Variants in KIAA0586 observed in about 807,000 individuals in gnomAD.
KIAA0586 encodes KIAA0586, also known as protein TALPID3.
In KIAA0586, 144 loss-of-function variants were observed where a neutral mutation model predicts 169.8. The ratio of observed to expected loss-of-function variants is 0.85; its 90% CI spans 0.74 to 0.97. KIAA0586 has a LOEUF of 0.97. KIAA0586 is among the 50% of genes least tolerant of loss of function. The pLI is 0.00. For missense variants in KIAA0586, 1,854 were observed against 1,823.0 expected, an observed-to-expected ratio of 1.02 and a Z score of -0.31; for synonymous variants, 625 against 612.4, an observed-to-expected ratio of 1.02 and a Z score of -0.30.
chr14:58,465,928 T>C lies in KIAA0586; in HGVS notation c.2153T>C (p.Leu718Ser), dbSNP rs760933996. 2 of 1,612,984 alleles carry C rather than the reference T, an allele frequency of 1.2e-6. No homozygotes were observed. The highest frequency in any genetic ancestry group is 2.2e-5 in the East Asian group (1 of 44,872). The change falls in exon 15 of 31, where the codon TTA becomes TCA. Residue 718 changes from leucine to serine, a missense_variant. Leu to Ser is a moderately radical substitution (Grantham distance 145). Transcript: ENST00000652326. ...DSKMKHSVPVLPHGDQQYLFS... is the reference protein window; with the variant it reads ...DSKMKHSVPVSPHGDQQYLFS... The stretch of plus-strand genomic sequence containing the variant: ...AAAATGAAACATTCTGTTCCTGTGT[T>C]ACCTCATGGCGATCAGCAATATTTG...
chr14:58,457,026 A>G (rs2039922197), intron 10 of KIAA0586, among the ~76,000 whole-genome samples: 1 of 152,136 alleles, frequency 6.6e-6, no homozygotes. Flanking sequence ...CCATATAGCC[A>G]CCTCTGGCTT....
intron 9 of KIAA0586, among the ~76,000 whole-genome samples, chr14:58,456,033 C>T (rs1280752932): frequency 1.5e-4 from 1 of 6,596 alleles, no homozygotes; most frequent in Non-Finnish European, 4.9e-3. Context: ...CAATTGCCAC[C>T]GTTTTTTGAA....
intron 29 of KIAA0586, chr14:58,521,838 C>A (rs79003445): frequency 2.3e-6 from 2 of 888,104 alleles, no homozygotes; most frequent in Non-Finnish European, 3.8e-6. Flanking sequence ...GGAGTCGGAG[C>A]GGGGTGCAGA....
intron 29 of KIAA0586, among the ~76,000 whole-genome samples, chr14:58,520,585 G>T: frequency 6.6e-6 from 1 of 152,090 alleles, no homozygotes; most frequent in Non-Finnish European, 1.5e-5. Flanking sequence ...GCAGTGGCGT[G>T]ATCATGGCTC....
chr14:58,530,479 G>A (rs1429446892), intron 29 of KIAA0586, among the ~76,000 whole-genome samples: 2 of 152,108 alleles, frequency 1.3e-5, no homozygotes, highest in African/African-American at 2.4e-5. Flanking sequence ...GCATGGTACT[G>A]GTACCAAAAC....
intron 6 of KIAA0586, among the ~76,000 whole-genome samples, chr14:58,446,159 C>T (rs1006304613): frequency 1.3e-5 from 2 of 151,804 alleles, no homozygotes; most frequent in South Asian, 2.1e-4. Flanking sequence ...AGTGAGTAAC[C>T]GCGCCTGGCC....
At chr14:58,463,861 A>T (rs530958026) in intron 14 of KIAA0586, 3 of 281,298 alleles carry the variant, frequency 1.1e-5, no homozygotes, top group East Asian at 1.3e-4. Flanking sequence ...AAAAAATTAG[A>T]TACATAGAAA....
At chr14:58,488,188 T>A in intron 23 of KIAA0586, 79 bp downstream of exon 23, 1 of 1,135,986 alleles carries the variant, frequency 8.8e-7, no homozygotes, top group Non-Finnish European at 1.3e-6. Flanking sequence ...AACATAGAAA[T>A]ATTATACAAA....
rs111520524 is a variant in KIAA0586 at position 58,520,765 on chromosome 14, G to A, written c.4429+8138G>A. Among the ~76,000 whole-genome samples the A allele has an allele frequency of 3.2e-3, 484 of 152,094 alleles. 4 individuals carry two copies. Among genetic ancestry groups the A allele is most frequent in the African/African-American group, 0.011 (460 of 41,490 alleles). On this transcript the variant is annotated intron_variant, in intron 29 of 30. Coordinates refer to ENST00000652326, the MANE Select transcript of KIAA0586 (RefSeq NM_001329943.3). ...GGTCTTGAACTCCTGGGTTCAAGCA[G>A]TCTGCCCACCTCAGCCTCCCAAAGT... is the stretch of plus-strand genomic sequence containing the variant.
chr14:58,478,861 T>TG (rs2041842576), intron 20 of KIAA0586, among the ~76,000 whole-genome samples: 1 of 152,214 alleles, frequency 6.6e-6, no homozygotes, highest in African/African-American at 2.4e-5. Context: ...GTTAGCTGGC[T>TG]TCTTTTATTA....
chr14:58,430,783 T>C, intron 3 of KIAA0586, 66 bp downstream of exon 3: 1 of 866,538 alleles, frequency 1.2e-6, no homozygotes, highest in African/African-American at 1.7e-5. Context: ...TTTACTACTT[T>C]AAAATGTACA....
At chr14:58,476,930 A>AT (rs1270719672) in intron 19 of KIAA0586, among the ~76,000 whole-genome samples, 193 bp from the exon 20 acceptor site, 1 of 152,118 alleles carries the variant, frequency 6.6e-6, no homozygotes, top group Non-Finnish European at 1.5e-5. Flanking sequence ...AAGTGTTGAG[A>AT]TTACAGATGC....
chr14:58,440,776 A>T (rs1344991025), intron 4 of KIAA0586, among the ~76,000 whole-genome samples: 1 of 152,238 alleles, frequency 6.6e-6, no homozygotes, highest in Non-Finnish European at 1.5e-5. Context: ...ATTCTCATTT[A>T]CATGTGGAAT....
intron 20 of KIAA0586, among the ~76,000 whole-genome samples, chr14:58,478,407 C>T (rs992882254): frequency 6.6e-6 from 1 of 152,172 alleles, no homozygotes; most frequent in African/African-American, 2.4e-5. Context: ...TGCTTGAACC[C>T]AGGAGGCGGA....
downstream of KIAA0586, among the ~76,000 whole-genome samples, chr14:58,552,420 G>A (rs757132337): frequency 3.9e-5 from 6 of 152,100 alleles, no homozygotes; most frequent in Non-Finnish European, 8.8e-5. Flanking sequence ...GAGTACAGAT[G>A]CCCCCTTATG....
chr14:58,543,000 C>G (rs1324752596), intron 30 of KIAA0586, among the ~76,000 whole-genome samples: 12 of 151,844 alleles, frequency 7.9e-5, no homozygotes, highest in Non-Finnish European at 1.8e-4. Flanking sequence ...TGGTGGCGGG[C>G]GCCTTTAGTC....
At chr14:58,539,051 A>G (rs2046477538) in intron 29 of KIAA0586, among the ~76,000 whole-genome samples, 1 of 152,204 alleles carries the variant, frequency 6.6e-6, no homozygotes, top group South Asian at 2.1e-4. Flanking sequence ...AAGTGCTTGG[A>G]TTACAGGCAT....
chr14:58,552,891 T>C (rs190048055), downstream of KIAA0586, among the ~76,000 whole-genome samples: 12 of 152,356 alleles, frequency 7.9e-5, no homozygotes, highest in African/African-American at 2.6e-4. Flanking sequence ...TGAGTTGGCA[T>C]CTTGTATCCT....
intron 14 of KIAA0586, 122 bp downstream of exon 14, chr14:58,461,282 G>A (rs2040303496): frequency 6.7e-6 from 4 of 592,886 alleles, no homozygotes; most frequent in Admixed American, 8.2e-5. Flanking sequence ...TGATGCTTGG[G>A]GATGGAAAAA....
Sources: allele counts gnomAD v4.1 joint callset (sites outside exome capture counted in the v4.1 genomes callset), GRCh38; gene constraint gnomAD v4.1.1; transcripts MANE v1.5; gene names NCBI Gene and HGNC (gene_info 2026-07-23, HGNC 2026-07-21).